The following MAPKAP1 variants were observed in gnomAD, a reference collection of about 807,000 sequenced individuals.
MAPKAP1 encodes the protein MAPK associated protein 1.
Under a neutral mutation model 65.7 loss-of-function variants are expected in MAPKAP1, and 20 were observed. The observed-to-expected ratio is 0.30, with a 90% CI of 0.21 to 0.44. MAPKAP1 has a LOEUF of 0.44. MAPKAP1 is among the 20% of genes least tolerant of loss of function. The pLI, the probability that MAPKAP1 is intolerant of heterozygous loss-of-function variation, is 1.00. For synonymous variants in MAPKAP1, 222 were observed against 244.3 expected, an observed-to-expected ratio of 0.91 and a Z score of 0.85; for missense variants, 423 against 648.0, an observed-to-expected ratio of 0.65 and a Z score of 3.77.
At chr9:125,561,922 GCATGTT>G (rs1440658815) in intron 5 of MAPKAP1, among the ~76,000 whole-genome samples, 5 of 152,198 alleles carry the variant, frequency 3.3e-5, no homozygotes, top group South Asian at 2.1e-4. Context: ...CATCTGAGCA[GCATGTT>G]CTATGTACAC....
At chr9:125,491,139 CAAAAAA>C (rs34339738) in intron 8 of MAPKAP1, among the ~76,000 whole-genome samples, 1 of 119,858 alleles carries the variant, frequency 8.3e-6, no homozygotes, top group Non-Finnish European at 1.7e-5. Context: ...GACTCCGTCT[CAAAAAA>C]AAAAAAAAAA....
intron 10 of MAPKAP1, among the ~76,000 whole-genome samples, chr9:125,460,925 G>C (rs1352463909): frequency 6.6e-6 from 1 of 152,198 alleles, no homozygotes; most frequent in Non-Finnish European, 1.5e-5. Flanking sequence ...GAAGCTGCTG[G>C]ATTTCTGGAG....
At chr9:125,706,596 G>A (rs1206614259) in intron 1 of MAPKAP1, among the ~76,000 whole-genome samples, 1 of 151,940 alleles carries the variant, frequency 6.6e-6, no homozygotes, top group Non-Finnish European at 1.5e-5. Context: ...TAAGGGGGAG[G>A]GGGAGAAGGG....
chr9:125,490,305 C>T (rs956282009), intron 8 of MAPKAP1, among the ~76,000 whole-genome samples: 2 of 152,098 alleles, frequency 1.3e-5, no homozygotes, highest in Non-Finnish European at 2.9e-5. Flanking sequence ...TTTGGGAGGC[C>T]GAGGTGGGTG....
intron 4 of MAPKAP1, among the ~76,000 whole-genome samples, chr9:125,647,814 T>C (rs949046118): frequency 6.6e-6 from 1 of 152,132 alleles, no homozygotes; most frequent in African/African-American, 2.4e-5. Context: ...ATTCGATGGA[T>C]AGAGATGTGT....
intron 5 of MAPKAP1, among the ~76,000 whole-genome samples, chr9:125,578,850 A>G (rs1167254917): frequency 6.6e-6 from 1 of 152,242 alleles, no homozygotes; most frequent in Non-Finnish European, 1.5e-5. Flanking sequence ...GATAATAGAA[A>G]TAAGTAATTA....
At chr9:125,692,503 T>C (rs138823029) in intron 1 of MAPKAP1, among the ~76,000 whole-genome samples, 1 of 152,128 alleles carries the variant, frequency 6.6e-6, no homozygotes, top group African/African-American at 2.4e-5. Context: ...GGAGGAAAAG[T>C]GGAGTGACTA....
rs144594473 is a variant in MAPKAP1 at position 125,641,229 on chromosome 9, C to T, written c.498+16422G>A. Among the ~76,000 whole-genome samples the T allele has an allele frequency of 1.7e-3, 266 of 152,218 alleles. 1 individual carries two copies. Among genetic ancestry groups the T allele is most frequent in the African/African-American group, 5.8e-3 (240 of 41,522 alleles). ...TCATTTCCCCTCCTTCCCTTAGTGC[C>T]TATACTCTACACATAATAGCCATTC... On this transcript the variant is annotated intron_variant, in intron 4 of 11. Coordinates refer to ENST00000265960, the MANE Select transcript of MAPKAP1 (RefSeq NM_001006617.3).
intron 6 of MAPKAP1, among the ~76,000 whole-genome samples, chr9:125,556,200 G>A (rs1830730264): frequency 6.6e-6 from 1 of 152,198 alleles, no homozygotes; most frequent in African/African-American, 2.4e-5. Context: ...ATTTCACTGA[G>A]CCACAGAAAA....
At chr9:125,612,517 T>C (rs992223401) in intron 4 of MAPKAP1, among the ~76,000 whole-genome samples, 2 of 152,228 alleles carry the variant, frequency 1.3e-5, no homozygotes, top group Admixed American at 6.5e-5. Flanking sequence ...AGAACCACAA[T>C]AAACTGAGTT....
chr9:125,444,587 A>C lies in MAPKAP1; in HGVS notation c.1357T>G (p.Phe453Val). The change falls in exon 11 of 12, where the codon TTT becomes GTT. Residue 453 changes from phenylalanine to valine, a missense_variant. By Grantham distance (50) the Phe-to-Val change is conservative. Around this residue, in one of 6 missense-constraint regions of MAPKAP1, gnomAD observed 185 missense variants for 268.1 expected, o/e 0.69. Coordinates refer to ENST00000265960, the MANE Select transcript of MAPKAP1 (RefSeq NM_001006617.3). ...TGATTGCTTAGATACGTGAGTTTAA[A>C]TATTGCGTGACCTGCAGAGACAGAA... is the stretch of plus-strand genomic sequence containing the variant. ...AEEKSPSHAI[F>V]KLTYLSNHDY... is the part of the protein sequence containing the mutation. The C allele has an allele frequency of 6.2e-7, 1 of 1,612,858 alleles. No individual in the cohort carries two copies. The highest frequency in any genetic ancestry group is 8.5e-7 in the Non-Finnish European group (1 of 1,179,106).
intron 5 of MAPKAP1, among the ~76,000 whole-genome samples, chr9:125,581,415 T>C (rs879912499): frequency 1.3e-5 from 2 of 152,262 alleles, no homozygotes; most frequent in Admixed American, 6.5e-5. Context: ...GTGGTTTTAA[T>C]TGCATTTTCC....
At chr9:125,510,818 A>C (rs1283273705) in intron 7 of MAPKAP1, among the ~76,000 whole-genome samples, 3 of 152,208 alleles carry the variant, frequency 2.0e-5, no homozygotes, top group African/African-American at 7.2e-5. Context: ...TTTCACAGAG[A>C]AAGATTATAG....
At chr9:125,549,699 C>T (rs140597342) in intron 6 of MAPKAP1, among the ~76,000 whole-genome samples, 1 of 152,282 alleles carries the variant, frequency 6.6e-6, no homozygotes, top group African/African-American at 2.4e-5. Flanking sequence ...GTCCTTGGGA[C>T]TTGCCAAATC....
At chr9:125,501,417 T>C (rs914245833) in intron 8 of MAPKAP1, among the ~76,000 whole-genome samples, 1 of 152,244 alleles carries the variant, frequency 6.6e-6, no homozygotes, top group African/African-American at 2.4e-5. Context: ...ATTCACTTTA[T>C]TAATATTTTG....
intron 4 of MAPKAP1, among the ~76,000 whole-genome samples, chr9:125,639,652 G>T (rs1473983309): frequency 6.6e-6 from 1 of 152,178 alleles, no homozygotes; most frequent in African/African-American, 2.4e-5. Context: ...GATTGTTGTG[G>T]AAGTACAGAG....
At chr9:125,574,639 C>A (rs1476963661) in intron 5 of MAPKAP1, among the ~76,000 whole-genome samples, 1 of 152,132 alleles carries the variant, frequency 6.6e-6, no homozygotes, top group Admixed American at 6.5e-5. Flanking sequence ...GTCCTAAGTC[C>A]ACAGGGCATC....
chr9:125,635,691 A>T (rs1295726543), intron 4 of MAPKAP1, among the ~76,000 whole-genome samples: 1 of 152,230 alleles, frequency 6.6e-6, no homozygotes, highest in African/African-American at 2.4e-5. Context: ...CCTACACTAT[A>T]AATCATGCTA....
intron 7 of MAPKAP1, among the ~76,000 whole-genome samples, chr9:125,536,136 A>G (rs1830066908): frequency 6.6e-6 from 1 of 152,228 alleles, no homozygotes; most frequent in African/African-American, 2.4e-5. Flanking sequence ...AAGTGGTTCC[A>G]AAAGATTTTT....
Sources: allele counts gnomAD v4.1 joint callset (sites outside exome capture counted in the v4.1 genomes callset), GRCh38; gene constraint gnomAD v4.1.1; regional missense constraint gnomAD v4.1.1; transcripts MANE v1.5; gene names NCBI Gene and HGNC (gene_info 2026-07-23, HGNC 2026-07-21).